The following PABPC4 variants were observed in gnomAD, a reference collection of about 807,000 sequenced individuals.
PABPC4 encodes the protein polyadenylate-binding protein 4.
A neutral mutation model predicts 74.5 loss-of-function variants in PABPC4; 15 were observed. That is an observed-to-expected ratio of 0.20 (90% CI 0.13 to 0.31). The LOEUF is 0.31. Ranked by LOEUF, PABPC4 falls within the 10% of genes least tolerant of loss-of-function variation. PABPC4 has a pLI of 1.00. For missense variants in PABPC4, 610 were observed against 853.5 expected (o/e 0.71, Z 3.55); for synonymous variants, 345 against 303.0 (o/e 1.14, Z -1.44).
intron 1 of PABPC4, among the ~76,000 whole-genome samples, chr1:39,573,426 A>T (rs1181416156): frequency 6.6e-6 from 1 of 152,214 alleles, no homozygotes; most frequent in African/African-American, 2.4e-5. Flanking sequence ...CTAGGACTTC[A>T]GCTACCCTGG....
In PABPC4 at chr1:39,564,532, T is replaced by C. The variant is rs372134482; in HGVS notation, c.1344A>G (p.Gly448=). 1 of 1,614,134 alleles carries C rather than the reference T, an allele frequency of 6.2e-7. No homozygotes were observed. Among genetic ancestry groups the C allele is most frequent in the Non-Finnish European group, 8.5e-7 (1 of 1,179,980 alleles). The change falls in exon 10 of 16, where the codon GGA becomes GGG. Residue 448 remains glycine (G), a synonymous_variant. Coordinates refer to ENST00000372858, the MANE Select transcript of PABPC4 (RefSeq NM_001135653.2). The stretch of plus-strand genomic sequence containing the variant: ...CAGACTGGCGTATAGCACTTGGCAT[T>C]CCTTGGAAGCCTGGTGAAGAGAAAA... ...QQGGRPQGFQ[G]MPSAIRQSGP...
At position 39,564,521 on chromosome 1, in the gene PABPC4, G is replaced by T. The variant is rs771154202; in HGVS notation, c.1355C>A (p.Ala452Asp). ...TGGACGAGGCCCAGACTGGCGTATA[G>T]CACTTGGCATTCCTTGGAAGCCTGG... ...RPQGFQGMPS[A>D]IRQSGPRPTL... Residue 452 changes from alanine (A) to aspartate (D), a missense_variant, in exon 10 of 16, where the codon GCT becomes GAT. Physicochemically the swap from Ala to Asp is moderately radical, Grantham distance 126. Around this residue, in one of 4 missense-constraint regions of PABPC4, gnomAD observed 277 missense variants for 301.8 expected, o/e 0.92. Transcript: ENST00000372858. The T allele has an allele frequency of 6.2e-7, 1 of 1,614,196 alleles. No homozygotes were observed. The highest frequency in any genetic ancestry group is 2.2e-5 in the East Asian group (1 of 44,882).
At chr1:39,564,568 AT>A (rs1237480397) in intron 9 of PABPC4, 26 bp from the exon 10 acceptor site, 1 of 1,613,810 alleles carries the variant, frequency 6.2e-7, no homozygotes, top group Non-Finnish European at 8.5e-7. Flanking sequence ...ATTGCACATC[AT>A]TGAGAAGTGA....
At chr1:39,564,854 C>T (rs1034817330) in intron 8 of PABPC4, 81 bp from the exon 9 acceptor site, 5 of 1,136,418 alleles carry the variant, frequency 4.4e-6, no homozygotes, top group Non-Finnish European at 6.6e-6. Context: ...TCTCACTAAC[C>T]AGGACCTAAG....
chr1:39,570,489 T>C (rs1645924178), intron 3 of PABPC4: 1 of 156,086 alleles, frequency 6.4e-6, no homozygotes, highest in South Asian at 2.0e-4. Flanking sequence ...GTGATATCTG[T>C]AGATCAACCA....
intron 1 of PABPC4, among the ~76,000 whole-genome samples, chr1:39,573,605 G>T (rs1407858534): frequency 6.6e-6 from 1 of 152,134 alleles, no homozygotes; most frequent in African/African-American, 2.4e-5. Flanking sequence ...GATTACCTGA[G>T]GTCAGGAGTT....
chr1:39,565,284 C>T lies in PABPC4; in HGVS notation c.1067G>A (p.Arg356His), dbSNP rs1177982802. 6.8e-6 allele frequency: 11 copies of T among 1,614,090 alleles called. No homozygotes were observed. The highest frequency in any genetic ancestry group is 4.5e-5 in the East Asian group (2 of 44,902). ...ATATAGTGGCTTGGAGCCCACAATG[C>T]GTCCATTCATCTCAGTGACTGCTTT... ...ATKAVTEMNG[R>H]IVGSKPLYVA... Residue 356 changes from arginine (R) to histidine (H), a missense_variant, in exon 8 of 16, where the codon CGC (arginine) becomes CAC (histidine). Around this residue, in one of 4 missense-constraint regions of PABPC4, gnomAD observed 304 missense variants for 478.9 expected, o/e 0.63. Coordinates refer to ENST00000372858, the MANE Select transcript of PABPC4 (RefSeq NM_001135653.2).
At position 39,563,715 on chromosome 1, in the gene PABPC4, C is replaced by T; in HGVS notation, c.1567G>A (p.Ala523Thr). Reference protein sequence around the residue: ...GGVPTAVQNLAPRAAVAAAAP... With the variant: ...GGVPTAVQNLTPRAAVAAAAP... ...GCAGCAGCAACAGCAGCGCGTGGCG[C>T]TAAGTTCTGCACAGCTGTGGGAACG... The change falls in exon 12 of 16, where the codon GCG becomes ACG. Residue 523 changes from alanine to threonine, a missense_variant. Ala to Thr is a moderately conservative substitution (Grantham distance 58). Coordinates refer to ENST00000372858, the MANE Select transcript of PABPC4 (RefSeq NM_001135653.2). 2 of 1,614,282 alleles carry T rather than the reference C, an allele frequency of 1.2e-6. No individual in the cohort carries two copies. Among genetic ancestry groups the T allele is most frequent in the Non-Finnish European group, 1.7e-6 (2 of 1,180,050 alleles).
At chr1:39,566,478 A>G (rs1404143162) in intron 7 of PABPC4, among the ~76,000 whole-genome samples, 4 of 152,236 alleles carry the variant, frequency 2.6e-5, no homozygotes, top group Admixed American at 6.5e-5. Context: ...TGGTTCAGGC[A>G]GTCTTTTCCC....
chr1:39,563,365 A>G (rs573770360), intron 12 of PABPC4: 3 of 472,514 alleles, frequency 6.3e-6, no homozygotes, highest in African/African-American at 3.9e-5. Flanking sequence ...TATTTCGTAC[A>G]AACAGAAGAG....
At position 39,565,212 on chromosome 1, in the gene PABPC4, T is replaced by C; in HGVS notation, c.1139A>G (p.Asn380Ser). 1 of 1,614,198 alleles carries C rather than the reference T, an allele frequency of 6.2e-7. No individual in the cohort carries two copies. The change falls in exon 8 of 16, where the codon AAC (asparagine) becomes AGC (serine). Residue 380 changes from asparagine to serine, a missense_variant. Physicochemically the swap from Asn to Ser is conservative, Grantham distance 46 (BLOSUM62 1). Coordinates refer to ENST00000372858, the MANE Select transcript of PABPC4 (RefSeq NM_001135653.2). ...TCCAGCCACTCGTTGCATATACTGG[T>C]TGGTCAGGTGAGCCTTTCTCTCTTC... ...RKEERKAHLTNQYMQRVAGMR... is the reference protein window; with the variant it reads ...RKEERKAHLTSQYMQRVAGMR...
At chr1:39,562,002 T>G (rs996720628) in intron 14 of PABPC4, 71 bp downstream of exon 14, 28 of 1,546,430 alleles carry the variant, frequency 1.8e-5, no homozygotes, top group Non-Finnish European at 2.5e-5. Flanking sequence ...CTGCTGCACC[T>G]GGGCATCCAA....
intron 6 of PABPC4, 102 bp downstream of exon 6, chr1:39,568,700 A>C: frequency 1.9e-6 from 2 of 1,071,238 alleles, no homozygotes; most frequent in East Asian, 2.4e-5. Context: ...GGGAAGAAGA[A>C]CACACTCCAA....
Position 39,571,316 on chromosome 1 carries a change from C to A in PABPC4, c.421G>T (p.Ala141Ser). Residue 141 changes from alanine to serine, a missense_variant, in exon 3 of 16, where the codon GCC becomes TCC. This residue lies in a region of PABPC4 where 304 missense variants were observed against 478.9 expected (regional missense o/e 0.63). Transcript: ENST00000372858. Reference protein sequence around the residue: ...VCDENGSKGYAFVHFETQEAA... With the variant: ...VCDENGSKGYSFVHFETQEAA... ...TCTTGGGTCTCGAAGTGGACAAAGG[C>A]ATAACCCTTAGAGCCGTTCTCATCA... is the stretch of plus-strand genomic sequence containing the variant. 6.2e-7 allele frequency: 1 copy of A among 1,614,168 alleles called. No individual in the cohort carries two copies. Among genetic ancestry groups the A allele is most frequent in the Middle Eastern group, 1.6e-4 (1 of 6,062 alleles).
chr1:39,572,270 G>C, intron 2 of PABPC4, 123 bp downstream of exon 2: 1 of 750,512 alleles, frequency 1.3e-6, no homozygotes, highest in Non-Finnish European at 2.1e-6. Context: ...AGGATTCCAT[G>C]TCCAGCATTT....
chr1:39,573,156 GC>G (rs1487751202), intron 1 of PABPC4: 1 of 149,258 alleles, frequency 6.7e-6, no homozygotes, highest in East Asian at 2.0e-4. Context: ...AACCTGTAAA[GC>G]AAATGATCTG....
At position 39,562,427 on chromosome 1, in the gene PABPC4, G is replaced by A. The variant is rs1645779451; in HGVS notation, c.1669-11C>T. 3.1e-6 allele frequency: 5 copies of A among 1,609,384 alleles called. No homozygotes were observed. The South Asian group carries it at 5.5e-5, about 18-fold the overall frequency. ...CGCAGGCTGGGGTGCCTGGGAACCAGGAAAGGCAGTGGGTTAGCACTGAGG... is the reference window on the plus strand; with the variant it reads ...CGCAGGCTGGGGTGCCTGGGAACCAAGAAAGGCAGTGGGTTAGCACTGAGG... On this transcript the variant is annotated splice_polypyrimidine_tract_variant and intron_variant, in intron 12 of 15. Transcript: ENST00000372858.
chr1:39,571,664 G>A (rs1300554495), intron 2 of PABPC4: 2 of 501,368 alleles, frequency 4.0e-6, no homozygotes, highest in Admixed American at 2.4e-5. Flanking sequence ...CAAAGCAGGA[G>A]GATCGTTGGA....
At chr1:39,563,804 T>C in intron 11 of PABPC4, 32 bp downstream of exon 11, 3 of 1,614,042 alleles carry the variant, frequency 1.9e-6, no homozygotes, top group Non-Finnish European at 2.5e-6. Flanking sequence ...TCAAATCCCA[T>C]CTTTCCCCCT....
Sources: gnomAD v4.1 joint callset for allele counts (sites outside exome capture counted in the v4.1 genomes callset) on GRCh38, gnomAD v4.1.1 for gene constraint, gnomAD v4.1.1 regional missense constraint, MANE v1.5 for transcripts, NCBI Gene and HGNC (gene_info 2026-07-23, HGNC 2026-07-21) for gene names.